LRRC24: variants seen among roughly 807,000 people sequenced by gnomAD.
LRRC24 encodes the protein leucine-rich repeat-containing protein 24.
Under a neutral mutation model 15.3 loss-of-function variants are expected in LRRC24, and 19 were observed. The observed-to-expected ratio is 1.25, with a 90% CI of 0.87 to 1.83. The LOEUF is 1.83. Ranked by LOEUF, LRRC24 falls within the 40% of genes most tolerant of loss-of-function variation. The pLI is 0.00. For synonymous variants in LRRC24, 469 were observed against 359.6 expected, an observed-to-expected ratio of 1.30 and a Z score of -3.44; for missense variants, 914 against 723.9, an observed-to-expected ratio of 1.26 and a Z score of -3.01.
In LRRC24 at chr8:144,523,382, A is replaced by T. The variant is rs751403026; in HGVS notation, c.635T>A (p.Leu212Gln). 1.9e-6 allele frequency: 3 copies of T among 1,554,522 alleles called. No homozygotes were observed. Among genetic ancestry groups the T allele is most frequent in the Non-Finnish European group, 2.6e-6 (3 of 1,149,084 alleles). The change falls in exon 5 of 5, where the codon CTG becomes CAG. Residue 212 changes from leucine to glutamine, a missense_variant. Physicochemically the swap from Leu to Gln is moderately radical, Grantham distance 113 (BLOSUM62 -2). Transcript: ENST00000529415. Reference protein sequence around the residue: ...TENPWRCDCALHWLGAWIKEG... With the variant: ...TENPWRCDCAQHWLGAWIKEG... ...CTTGATCCAGGCACCCAGCCAGTGC[A>T]GGGCGCAGTCACAGCGCCATGGGTT...
Position 144,524,626 on chromosome 8 carries a change from T to G in LRRC24, c.253A>C (p.Ser85Arg). 6.6e-7 allele frequency: 1 copy of G among 1,522,466 alleles called. No individual in the cohort carries two copies. The highest frequency in any genetic ancestry group is 8.7e-7 in the Non-Finnish European group (1 of 1,142,952). The allele number at this position is 1,522,466 out of a possible 1,614,324, so 94.3% of individuals were successfully genotyped here. ...GCGCCGGCCTCCAGGGCGCGCAGGC[T>G]GTTGTTGTGCAGGTAGAGCCGGCGC... ...ALRRLYLHNNSLRALEAGAFR... is the reference protein window; with the variant it reads ...ALRRLYLHNNRLRALEAGAFR... The change falls in exon 3 of 5, where the codon AGC (serine) becomes CGC (arginine). Residue 85 changes from serine (S) to arginine (R), a missense_variant. Physicochemically the swap from Ser to Arg is moderately radical, Grantham distance 110. Transcript: ENST00000529415.
At chr8:144,526,073 C>T (rs1816348379) in intron 1 of LRRC24, 1 of 152,244 alleles carries the variant, frequency 6.6e-6, no homozygotes, top group Non-Finnish European at 1.5e-5. Flanking sequence ...CCAGCCTCAT[C>T]TGGCCGGCCT....
chr8:144,522,933 C>A lies in LRRC24; in HGVS notation c.1084G>T (p.Val362Phe). ...TGCGGCTGCTGCCGGGACGCGTTGA[C>A]CAGGAGCCGGAAGGGCACGCGGGCA... is the stretch of plus-strand genomic sequence containing the variant. ...GAARVPFRLL[V>F]NASRQQPQQP... Residue 362 changes from valine (V) to phenylalanine (F), a missense_variant, in exon 5 of 5, where the codon GTC becomes TTC. Transcript: ENST00000529415. 6.5e-7 allele frequency: 1 copy of A among 1,536,746 alleles called. No individual in the cohort carries two copies. The highest frequency in any genetic ancestry group is 8.7e-7 in the Non-Finnish European group (1 of 1,151,608).
rs1450796722 is a variant in LRRC24 at position 144,523,227 on chromosome 8, C to T, written c.790G>A (p.Val264Met). 2 of 1,609,802 alleles carry T rather than the reference C, an allele frequency of 1.2e-6. No homozygotes were observed. The highest frequency in any genetic ancestry group is 1.1e-5 in the South Asian group (1 of 90,676). The change falls in exon 5 of 5, where the codon GTG becomes ATG. Residue 264 changes from valine (V) to methionine (M), a missense_variant. Val to Met is a conservative substitution (Grantham distance 21). Coordinates refer to ENST00000529415, the MANE Select transcript of LRRC24 (RefSeq NM_001024678.4). ...SLICIPPSVHVQPLELTANLG... is the reference protein window; with the variant it reads ...SLICIPPSVHMQPLELTANLG... The stretch of plus-strand genomic sequence containing the variant: ...TTGGCTGTGAGCTCCAGCGGCTGCA[C>T]GTGGACAGAGGGCGGAATGCAGATG...
At position 144,522,766 on chromosome 8, in the gene LRRC24, C is replaced by A. The variant is rs1478045620; in HGVS notation, c.1251G>T (p.Thr417=). ...IAAAIALLAL[T]ALLLVAMICR... ...AGATCATGGCGACCAGGAGCAGCGC[C>A]GTGAGCGCCAGCAGCGCGATGGCCG... The change falls in exon 5 of 5, where the codon ACG becomes ACT. Residue 417 remains threonine, a synonymous_variant. Coordinates refer to ENST00000529415, the MANE Select transcript of LRRC24 (RefSeq NM_001024678.4). The A allele has an allele frequency of 1.3e-6, 2 of 1,574,086 alleles. No homozygotes were observed. The highest frequency in any genetic ancestry group is 8.6e-7 in the Non-Finnish European group (1 of 1,163,088).
At chr8:144,525,148 A>G (rs1224699729) in intron 1 of LRRC24, 115 bp from the exon 2 acceptor site, 5 of 617,120 alleles carry the variant, frequency 8.1e-6, no homozygotes. Flanking sequence ...AGAAACTAAT[A>G]AAACGTTCTG....
In LRRC24 at chr8:144,523,023, G is replaced by A. The variant is rs765527382; in HGVS notation, c.994C>T (p.Leu332Phe). 4.4e-6 allele frequency: 7 copies of A among 1,599,582 alleles called. No individual in the cohort carries two copies. Among genetic ancestry groups the A allele is most frequent in the Non-Finnish European group, 6.0e-6 (7 of 1,175,596 alleles). ...ASDTGSGMLF[L>F]SNITLAHAGK... The stretch of plus-strand genomic sequence containing the variant: ...GCGTGCGCCAGCGTGATGTTGCTGA[G>A]GAAGAGCATGCCGCTGCCCGTGTCG... The change falls in exon 5 of 5, where the codon CTC (leucine) becomes TTC (phenylalanine). Residue 332 changes from leucine (L) to phenylalanine (F), a missense_variant. By Grantham distance (22) the Leu-to-Phe change is conservative. Transcript: ENST00000529415.
At chr8:144,524,050 G>T (rs1586855663) in intron 4 of LRRC24, 60 bp downstream of exon 4, 2 of 1,560,228 alleles carry the variant, frequency 1.3e-6, no homozygotes, top group African/African-American at 1.4e-5. Flanking sequence ...CCACACATGA[G>T]CCTGCTCCCT....
chr8:144,525,634 C>T (rs1816334048), intron 1 of LRRC24: 1 of 152,192 alleles, frequency 6.6e-6, no homozygotes, highest in South Asian at 2.1e-4. Context: ...AGGGGTGGGA[C>T]CAGCTTAACT....
chr8:144,524,946 G>T lies in LRRC24; in HGVS notation c.29C>A (p.Pro10Gln). 6.6e-7 allele frequency: 1 copy of T among 1,505,650 alleles called. No homozygotes were observed. Among genetic ancestry groups the T allele is most frequent in the South Asian group, 1.2e-5 (1 of 81,722 alleles). 93.3% of individuals were successfully genotyped at this position (1,505,650 alleles called of 1,614,324 possible). A position where few individuals can be genotyped will look rare whatever the true frequency, so the allele number is the denominator to read the frequency against. MALRAPALL[P>Q]LLLLLLPLRA... Reference sequence around the variant, plus strand: ...GAGCGGCAGTAGTAGCAGCAGCAGCGGCAGCAGTGCGGGGGCCCTCAGGGC... The same window carrying T: ...GAGCGGCAGTAGTAGCAGCAGCAGCTGCAGCAGTGCGGGGGCCCTCAGGGC... Residue 10 changes from proline (P) to glutamine (Q), a missense_variant, in exon 2 of 5, where the codon CCG becomes CAG. Physicochemically the swap from Pro to Gln is moderately conservative, Grantham distance 76. Coordinates refer to ENST00000529415, the MANE Select transcript of LRRC24 (RefSeq NM_001024678.4).
chr8:144,524,288 G>A lies in LRRC24; in HGVS notation c.439-10C>T. The A allele has an allele frequency of 1.2e-6, 2 of 1,610,734 alleles. No homozygotes were observed. The highest frequency in any genetic ancestry group is 2.2e-5 in the South Asian group (2 of 91,086). On this transcript the variant is annotated splice_polypyrimidine_tract_variant and intron_variant, in intron 3 of 4. Transcript: ENST00000529415. ...GAAGCTCCTGCAGTCGCTGAAGTAAGGACAGCAGATCGTGAGGAAAAAGGG... is the reference window on the plus strand; with the variant it reads ...GAAGCTCCTGCAGTCGCTGAAGTAAAGACAGCAGATCGTGAGGAAAAAGGG...
chr8:144,525,112 A>T (rs1748020428), intron 1 of LRRC24, 79 bp from the exon 2 acceptor site: 2 of 932,126 alleles, frequency 2.1e-6, no homozygotes, highest in Non-Finnish European at 2.9e-6. Flanking sequence ...ACCTGCGTCT[A>T]ACTTTTGACG....
chr8:144,524,130 A>G lies in LRRC24; in HGVS notation c.587T>C (p.Leu196Pro), dbSNP rs1438654223. 2 of 1,604,006 alleles carry G rather than the reference A, an allele frequency of 1.2e-6. No individual in the cohort carries two copies. The highest frequency in any genetic ancestry group is 1.7e-6 in the Non-Finnish European group (2 of 1,173,410). ...SREALQPLAS[L>P]QVLRLTENPW... ...GGTACCTGTGAGGCGCAGGACTTGC[A>G]GACTGGCCAGGGGCTGCAGGGCCTC... The change falls in exon 4 of 5, where the codon CTG (leucine) becomes CCG (proline). Residue 196 changes from leucine to proline, a missense_variant. Transcript: ENST00000529415.
chr8:144,523,414 G>T lies in LRRC24; in HGVS notation c.608-5C>A. On this transcript the variant is annotated splice_region_variant and splice_polypyrimidine_tract_variant and intron_variant, in intron 4 of 4. Transcript: ENST00000529415. ...AGTCACAGCGCCATGGGTTCTCTGT[G>T]GGAGAGCAGCGTTAGGCAGGTGGCT... 6.6e-7 allele frequency: 1 copy of T among 1,522,126 alleles called. No homozygotes were observed. The allele number at this position is 1,522,126 out of a possible 1,614,324, so 94.3% of individuals were successfully genotyped here.
At position 144,523,014 on chromosome 8, in the gene LRRC24, T is replaced by A; in HGVS notation, c.1003A>T (p.Ile335Phe). The stretch of plus-strand genomic sequence containing the variant: ...TACTTACCGGCGTGCGCCAGCGTGA[T>A]GTTGCTGAGGAAGAGCATGCCGCTG... Reference protein sequence around the residue: ...TGSGMLFLSNITLAHAGKYEC... With the variant: ...TGSGMLFLSNFTLAHAGKYEC... The change falls in exon 5 of 5, where the codon ATC (isoleucine) becomes TTC (phenylalanine). Residue 335 changes from isoleucine (I) to phenylalanine (F), a missense_variant. By Grantham distance (21) the Ile-to-Phe change is conservative (BLOSUM62 0). Coordinates refer to ENST00000529415, the MANE Select transcript of LRRC24 (RefSeq NM_001024678.4). 1 of 1,597,510 alleles carries A rather than the reference T, an allele frequency of 6.3e-7. No homozygotes were observed. The highest frequency in any genetic ancestry group is 8.5e-7 in the Non-Finnish European group (1 of 1,174,998).
rs1165532246 is a variant in LRRC24, at chr8:144,524,045, CAT to C, written c.607+63_607+64del. The C allele has an allele frequency of 1.4e-5, 21 of 1,548,314 alleles. No individual in the cohort carries two copies. The Admixed American group carries it at 3.8e-4, about 28-fold the overall frequency. The stretch of plus-strand genomic sequence containing the variant: ...TGCCTGATGTCAGAGCCCCTCCACA[CAT>C]GAGCCTGCTCCCTACTGCCAACACC... On this transcript the variant is annotated intron_variant, in intron 4 of 4. Coordinates refer to ENST00000529415, the MANE Select transcript of LRRC24 (RefSeq NM_001024678.4).
At chr8:144,523,782 C>T in intron 4 of LRRC24, 1 of 411,648 alleles carries the variant, frequency 2.4e-6, no homozygotes, top group Non-Finnish European at 4.3e-6. Flanking sequence ...CCTTTGGATG[C>T]CCTCTCTTGG....
chr8:144,523,783 C>T (rs987800003), intron 4 of LRRC24: 6 of 413,066 alleles, frequency 1.5e-5, no homozygotes, highest in African/African-American at 8.2e-5. Flanking sequence ...CTTTGGATGC[C>T]CTCTCTTGGG....
chr8:144,525,875 T>A (rs1395881827), intron 1 of LRRC24: 2 of 152,206 alleles, frequency 1.3e-5, no homozygotes, highest in Admixed American at 1.3e-4. Flanking sequence ...GGGAGCAGTG[T>A]GACCTCTGAG....
Sources: gnomAD v4.1 joint callset for allele counts on GRCh38, gnomAD v4.1.1 for gene constraint, MANE v1.5 for transcripts, NCBI Gene and HGNC (gene_info 2026-07-23, HGNC 2026-07-21) for gene names.